The following NTN1 variants were observed in gnomAD, a reference collection of about 807,000 sequenced individuals.
NTN1 encodes netrin 1, also known as netrin-1.
In NTN1, 11 loss-of-function variants were observed where a neutral mutation model predicts 54.2. The ratio of observed to expected loss-of-function variants is 0.20; its 90% CI spans 0.13 to 0.34. The LOEUF (loss-of-function observed/expected upper bound fraction) is 0.34, where lower values mean the gene tolerates loss of function less well. NTN1 is among the 10% of genes least tolerant of loss of function. The pLI, the probability that NTN1 is intolerant of heterozygous loss-of-function variation, is 1.00. For missense variants in NTN1, 740 were observed against 893.1 expected (o/e 0.83, Z 2.18); for synonymous variants, 371 against 382.0 (o/e 0.97, Z 0.33).
chr17:9,060,097 C>T (rs1416510421), intron 2 of NTN1, among the ~76,000 whole-genome samples: 6 of 152,026 alleles, frequency 3.9e-5, no homozygotes, highest in Admixed American at 3.3e-4. Context: ...GTACAGTTGG[C>T]CCTCGAACAA....
intron 2 of NTN1, among the ~76,000 whole-genome samples, chr17:9,113,004 C>T (rs115699876): frequency 0.026 from 3,975 of 150,036 alleles, 199 homozygotes; most frequent in African/African-American, 0.092. Flanking sequence ...ATCAATGATA[C>T]GTTTTGTATA....
At chr17:9,114,204 A>G (rs2092203103) in intron 2 of NTN1, among the ~76,000 whole-genome samples, 1 of 137,642 alleles carries the variant, frequency 7.3e-6, no homozygotes, top group South Asian at 2.3e-4. Flanking sequence ...CTATTCAGAT[A>G]TTGTGTATTA....
At chr17:9,132,665 G>C (rs2092269452) in intron 2 of NTN1, among the ~76,000 whole-genome samples, 1 of 152,036 alleles carries the variant, frequency 6.6e-6, no homozygotes, top group South Asian at 2.1e-4. Flanking sequence ...ACCTGAGGTT[G>C]GGAGTTCAAG....
chr17:9,156,238 G>GTTT (rs11327966), intron 2 of NTN1, among the ~76,000 whole-genome samples: 1 of 141,914 alleles, frequency 7.0e-6, no homozygotes. Flanking sequence ...GCGTGAGTTG[G>GTTT]TTTTTTTTTT....
intron 5 of NTN1, among the ~76,000 whole-genome samples, chr17:9,183,861 C>T (rs1227740053): frequency 1.3e-5 from 2 of 152,152 alleles, no homozygotes; most frequent in Non-Finnish European, 2.9e-5. Context: ...CAGAGTGTAC[C>T]GAGCCCTGCC....
At chr17:9,016,193 C>T in the NTN1 span, among the ~76,000 whole-genome samples, 1 of 152,306 alleles carries the variant, frequency 6.6e-6, no homozygotes, top group South Asian at 2.1e-4. Context: ...CAATTTCACT[C>T]TTTTCTTTCT....
In NTN1 at chr17:9,052,544, A is replaced by G. The variant is rs1000652070; in HGVS notation, c.1018+29153A>G. Among the ~76,000 whole-genome samples the G allele has an allele frequency of 4.6e-5, 7 of 152,224 alleles. 1 individual carries two copies. Among genetic ancestry groups the G allele is most frequent in the African/African-American group, 1.7e-4 (7 of 41,458 alleles). ...GAGAGAGAAGGAGAGAAAAACCTTA[A>G]CATCTACCAATAAGGAAATGGTTAT... On this transcript the variant is annotated intron_variant, in intron 2 of 6. Coordinates refer to ENST00000173229, the MANE Select transcript of NTN1 (RefSeq NM_004822.3).
At chr17:9,153,851 C>T (rs139402616) in intron 2 of NTN1, among the ~76,000 whole-genome samples, 30 of 152,324 alleles carry the variant, frequency 2.0e-4, no homozygotes, top group African/African-American at 7.2e-4. Flanking sequence ...ATCCTTACCT[C>T]GCCTGGCTCT....
chr17:9,213,046 C>T (rs1032819484), intron 5 of NTN1, among the ~76,000 whole-genome samples: 2 of 152,302 alleles, frequency 1.3e-5, no homozygotes, highest in African/African-American at 4.8e-5. Flanking sequence ...CGGTCTCGGC[C>T]GCTGGGATTG....
rs558499803 is a variant in NTN1, at chr17:9,050,679, A to C, written c.1018+27288A>C. ...GCGAGACTCCATCTCAAAAAAAAAA[A>C]AAAAAAAAAAAAACCCTAGCTGGAC... is the stretch of plus-strand genomic sequence containing the variant. On this transcript the variant is annotated intron_variant, in intron 2 of 6. Transcript: ENST00000173229. Among the ~76,000 whole-genome samples, 22 of 151,670 alleles carry C rather than the reference A, an allele frequency of 1.5e-4. No homozygotes were observed. In the East Asian group the frequency reaches 3.7e-3, roughly 25 times the overall value.
intron 5 of NTN1, among the ~76,000 whole-genome samples, chr17:9,210,820 C>A (rs1366796565): frequency 7.4e-6 from 1 of 135,094 alleles, no homozygotes; most frequent in Non-Finnish European, 1.5e-5. Flanking sequence ...GCGGGAGAAT[C>A]GCTTGAACCT....
At chr17:9,091,310 G>A (rs1029395298) in intron 2 of NTN1, among the ~76,000 whole-genome samples, 8 of 152,104 alleles carry the variant, frequency 5.3e-5, no homozygotes, top group African/African-American at 1.9e-4. Flanking sequence ...CTGGAGTGTA[G>A]TGGTAGGATC....
intron 2 of NTN1, among the ~76,000 whole-genome samples, chr17:9,038,365 A>G (rs1341554214): frequency 6.6e-6 from 1 of 151,260 alleles, no homozygotes; most frequent in Non-Finnish European, 1.5e-5. Flanking sequence ...TTACTTATTT[A>G]TTATGTTCTT....
chr17:9,106,632 G>A (rs978435902), intron 2 of NTN1, among the ~76,000 whole-genome samples: 1 of 152,080 alleles, frequency 6.6e-6, no homozygotes, highest in Non-Finnish European at 1.5e-5. Context: ...TCCTGCCTCA[G>A]CCTCCCAAGT....
At chr17:9,039,465 T>C (rs929452196) in intron 2 of NTN1, among the ~76,000 whole-genome samples, 10 of 152,248 alleles carry the variant, frequency 6.6e-5, no homozygotes, top group African/African-American at 2.4e-4. Flanking sequence ...ATTGTACTTA[T>C]GTGTTTCTCT....
intron 6 of NTN1, among the ~76,000 whole-genome samples, chr17:9,225,784 C>T (rs1469122502): frequency 1.3e-5 from 2 of 152,150 alleles, no homozygotes; most frequent in African/African-American, 2.4e-5. Flanking sequence ...GACTGACACC[C>T]GGCAGGGGGC....
chr17:9,178,175 C>T (rs767275549), intron 3 of NTN1, among the ~76,000 whole-genome samples: 1 of 152,162 alleles, frequency 6.6e-6, no homozygotes, highest in Non-Finnish European at 1.5e-5. Context: ...CTAGCCTGGG[C>T]AACAAGAGTG....
chr17:9,012,471 A>G, the NTN1 span, among the ~76,000 whole-genome samples: 2 of 151,690 alleles, frequency 1.3e-5, no homozygotes, highest in East Asian at 3.9e-4. Context: ...AGATCGCACC[A>G]CTGCACTCCA....
intron 2 of NTN1, among the ~76,000 whole-genome samples, chr17:9,136,582 GAAAC>G (rs896668584): frequency 4.6e-5 from 7 of 151,870 alleles, no homozygotes; most frequent in Admixed American, 6.5e-5. Flanking sequence ...GTCTCAAAAA[GAAAC>G]AAACAAAAAA....
Sources: gnomAD v4.1 joint callset for allele counts (sites outside exome capture counted in the v4.1 genomes callset) on GRCh38, gnomAD v4.1.1 for gene constraint, MANE v1.5 for transcripts, NCBI Gene and HGNC (gene_info 2026-07-23, HGNC 2026-07-21) for gene names.